Variants in IL1RAPL1 observed in about 807,000 individuals in gnomAD.
The protein encoded by IL1RAPL1 is interleukin-1 receptor accessory protein-like 1.
A neutral mutation model predicts 48.4 loss-of-function variants in IL1RAPL1; 3 were observed. The observed-to-expected ratio is 0.06, with a 90% CI of 0.03 to 0.16. The LOEUF is 0.16. IL1RAPL1 is among the 10% of genes least tolerant of loss of function. The pLI is 1.00. For synonymous variants in IL1RAPL1, 185 were observed against 187.7 expected, an observed-to-expected ratio of 0.99 and a Z score of 0.12; for missense variants, 349 against 530.6, an observed-to-expected ratio of 0.66 and a Z score of 3.36.
intron 2 of IL1RAPL1, among the ~76,000 whole-genome samples, chrX:28,977,204 T>A (rs1333658055): frequency 8.9e-6 from 1 of 112,265 alleles, no homozygotes; most frequent in Admixed American, 9.4e-5. Context: ...CACACTGTTA[T>A]AAAGAAATAC....
intron 1 of IL1RAPL1, among the ~76,000 whole-genome samples, chrX:28,607,231 G>A (rs968374051): frequency 5.5e-5 from 6 of 109,798 alleles, no homozygotes; most frequent in African/African-American, 1.3e-4. Context: ...TAAAGTCGAC[G>A]ACAGAATGTG....
intron 2 of IL1RAPL1, among the ~76,000 whole-genome samples, chrX:29,282,366 G>T (rs1002825940): frequency 8.9e-6 from 1 of 112,205 alleles, no homozygotes; most frequent in African/African-American, 3.2e-5. Context: ...AGCAGAACTT[G>T]TCAGAAATCT....
intron 5 of IL1RAPL1, among the ~76,000 whole-genome samples, chrX:29,498,550 CT>C (rs1211126667): frequency 2.8e-5 from 3 of 107,568 alleles, no homozygotes; most frequent in African/African-American, 6.7e-5. Context: ...CAATTGTTTT[CT>C]TTTTTTTTGT....
At chrX:29,615,236 C>T (rs771530153) in intron 5 of IL1RAPL1, among the ~76,000 whole-genome samples, 1 of 112,191 alleles carries the variant, frequency 8.9e-6, no homozygotes, top group South Asian at 3.6e-4. Context: ...TCTAAATCTC[C>T]TTACAGAGAA....
chrX:28,685,084 CCTT>C (rs1935097094), intron 1 of IL1RAPL1, among the ~76,000 whole-genome samples: 1 of 111,757 alleles, frequency 8.9e-6, no homozygotes, highest in Admixed American at 9.5e-5. Context: ...ACTAGTTTAA[CCTT>C]CTACCAATTA....
chrX:29,310,462 G>A (rs918457140), intron 3 of IL1RAPL1, among the ~76,000 whole-genome samples: 8 of 111,584 alleles, frequency 7.2e-5, no homozygotes, highest in African/African-American at 2.6e-4. Flanking sequence ...TGACTAATGA[G>A]ACAGCATGGG....
rs763982295 is a variant in IL1RAPL1 at position 29,427,461 on chromosome X, G to T, written c.703+28153G>T. On this transcript the variant is annotated intron_variant, in intron 5 of 10. Transcript: ENST00000378993. ...GCATTTCTCAAATCGACCTCCACAA[G>T]AACTCAGAAACTAGGGTTTTTAATG... Among the ~76,000 whole-genome samples the T allele has an allele frequency of 1.1e-4, 12 of 111,837 alleles. No individual in the cohort carries two copies. The South Asian group carries it at 4.2e-3, about 39-fold the overall frequency.
intron 5 of IL1RAPL1, among the ~76,000 whole-genome samples, chrX:29,453,276 G>A (rs1464756868): frequency 9.1e-6 from 1 of 109,881 alleles, no homozygotes; most frequent in African/African-American, 3.3e-5. Flanking sequence ...GTGTCTTTAT[G>A]ACTATTACTT....
intron 1 of IL1RAPL1, among the ~76,000 whole-genome samples, chrX:28,783,589 C>T (rs1056160932): frequency 4.5e-5 from 5 of 111,405 alleles, no homozygotes; most frequent in African/African-American, 6.5e-5. Context: ...AACTTGTTTT[C>T]GATGATCTAA....
intron 2 of IL1RAPL1, among the ~76,000 whole-genome samples, chrX:29,129,754 C>A (rs1928981593): frequency 9.2e-6 from 1 of 109,113 alleles, no homozygotes; most frequent in Non-Finnish European, 1.9e-5. Flanking sequence ...GCCACCACGT[C>A]CAGCTAATTT....
chrX:29,084,933 T>C (rs887939054), intron 2 of IL1RAPL1, among the ~76,000 whole-genome samples: 7 of 112,232 alleles, frequency 6.2e-5, no homozygotes, highest in Non-Finnish European at 1.1e-4. Flanking sequence ...CCTCAGGTGA[T>C]CCACCTGCCT....
chrX:29,774,723 G>C (rs1929151789), intron 6 of IL1RAPL1, among the ~76,000 whole-genome samples: 1 of 111,848 alleles, frequency 8.9e-6, no homozygotes. Flanking sequence ...TGAGATGTTT[G>C]TGTCGAGAAG....
At chrX:28,695,427 C>T (rs1023986404) in intron 1 of IL1RAPL1, among the ~76,000 whole-genome samples, 1 of 111,103 alleles carries the variant, frequency 9.0e-6, no homozygotes, top group East Asian at 2.8e-4. Context: ...AATTAACACC[C>T]CATAGATCCA....
At chrX:29,897,834 T>A (rs775289589) in intron 6 of IL1RAPL1, among the ~76,000 whole-genome samples, 1 of 111,883 alleles carries the variant, frequency 8.9e-6, no homozygotes, top group South Asian at 3.7e-4. Flanking sequence ...TAGGGAAAGG[T>A]GTTTCTCCAA....
At position 29,027,772 on chromosome X, in the gene IL1RAPL1, C is replaced by T. The variant is rs1457890990; in HGVS notation, c.82+238347C>T. 2.7e-5 allele frequency among the ~76,000 whole-genome samples: 3 copies of T among 111,353 alleles called. No individual in the cohort carries two copies. In the Admixed American group the frequency reaches 2.9e-4, roughly 11 times the overall value. ...GCTATCTCCTTGTTGTTTTAATTTG[C>T]ACTTCTCTGATGACATGTAATGTGA... On this transcript the variant is annotated intron_variant, in intron 2 of 10. Transcript: ENST00000378993.
At chrX:29,205,827 C>T (rs961489558) in intron 2 of IL1RAPL1, among the ~76,000 whole-genome samples, 2 of 109,684 alleles carry the variant, frequency 1.8e-5, no homozygotes, top group African/African-American at 3.3e-5. Context: ...CTCTGCCACC[C>T]GGGTTCAAGC....
chrX:28,759,924 T>C (rs1012670500), intron 1 of IL1RAPL1, among the ~76,000 whole-genome samples: 2 of 111,912 alleles, frequency 1.8e-5, no homozygotes, highest in African/African-American at 3.2e-5. Flanking sequence ...AAAAGACAAA[T>C]ATCCTCTAAA....
At chrX:29,543,598 A>G (rs986021529) in intron 5 of IL1RAPL1, among the ~76,000 whole-genome samples, 1 of 110,769 alleles carries the variant, frequency 9.0e-6, no homozygotes, top group African/African-American at 3.3e-5. Flanking sequence ...AGACATATAT[A>G]TATATATATA....
chrX:28,971,876 TTGTGTG>T (rs3066657), intron 2 of IL1RAPL1, among the ~76,000 whole-genome samples: 74 of 84,474 alleles, frequency 8.8e-4, no homozygotes, highest in African/African-American at 1.7e-3. Context: ...ACTCTGAAAA[TTGTGTG>T]TGTGTGTGTG....
Sources: gnomAD v4.1 joint callset for allele counts (sites outside exome capture counted in the v4.1 genomes callset) on GRCh38, gnomAD v4.1.1 for gene constraint, MANE v1.5 for transcripts, NCBI Gene and HGNC (gene_info 2026-07-23, HGNC 2026-07-21) for gene names.